Variants in ALDH1L1 observed in about 807,000 individuals in gnomAD.
ALDH1L1 encodes aldehyde dehydrogenase 1 family member L1.
Under a neutral mutation model 101.1 loss-of-function variants are expected in ALDH1L1, and 68 were observed. The observed-to-expected ratio is 0.67, with a 90% CI of 0.55 to 0.82. The LOEUF (loss-of-function observed/expected upper bound fraction) is 0.82, where lower values mean the gene tolerates loss of function less well. ALDH1L1 is among the 40% of genes least tolerant of loss of function. The pLI is 0.00. For missense variants in ALDH1L1, 1,087 were observed against 1,172.7 expected, an observed-to-expected ratio of 0.93 and a Z score of 1.07; for synonymous variants, 486 against 470.8, an observed-to-expected ratio of 1.03 and a Z score of -0.42.
At chr3:126,134,674 T>C (rs764872929) in intron 12 of ALDH1L1, among the ~76,000 whole-genome samples, 1 of 152,226 alleles carries the variant, frequency 6.6e-6, no homozygotes, top group Non-Finnish European at 1.5e-5. Context: ...TTCTGGCCTC[T>C]GGAGTATAAC....
chr3:126,132,734 C>T (rs553409482), intron 12 of ALDH1L1, among the ~76,000 whole-genome samples: 38 of 152,342 alleles, frequency 2.5e-4, no homozygotes, highest in African/African-American at 9.1e-4. Context: ...CCTCCTCTGC[C>T]TTTCTTCACT....
intron 21 of ALDH1L1, 30 bp from the exon 22 acceptor site, chr3:126,105,955 G>T (rs537898479): frequency 6.2e-7 from 1 of 1,605,646 alleles, no homozygotes; most frequent in Non-Finnish European, 8.5e-7. Context: ...AGAACTCCCT[G>T]AGGGAGGTGC....
At position 126,157,421 on chromosome 3, in the gene ALDH1L1, C is replaced by T. The variant is rs746786596; in HGVS notation, c.450G>A (p.Lys150=). Residue 150 remains lysine, a synonymous_variant, in exon 4 of 23, where the codon AAG becomes AAA. Coordinates refer to ENST00000393434, the MANE Select transcript of ALDH1L1 (RefSeq NM_012190.4). ...GLDTGDLLLQ[K]ECEVLPDDTV... ...TGTCGTCCGGGAGCACCTCACACTC[C>T]TTCTGCAGCAGCAGGTCTCCGGTGT... The T allele has an allele frequency of 1.9e-6, 3 of 1,614,164 alleles. No individual in the cohort carries two copies. The East Asian group carries it at 6.7e-5, about 36-fold the overall frequency.
Position 126,154,517 on chromosome 3 carries a change from A to G in ALDH1L1, c.720+37T>C, listed in dbSNP as rs780700689. The G allele has an allele frequency of 5.0e-6, 8 of 1,591,054 alleles. 1 individual carries two copies. The South Asian group carries it at 7.7e-5, about 15-fold the overall frequency. Reference sequence around the variant, plus strand: ...GTTTAATGGCCAGTGGGATACACCAATGCACGTGGCTGGATTCCAGCCATG... The same window carrying G: ...GTTTAATGGCCAGTGGGATACACCAGTGCACGTGGCTGGATTCCAGCCATG... On this transcript the variant is annotated intron_variant, in intron 6 of 22. Coordinates refer to ENST00000393434, the MANE Select transcript of ALDH1L1 (RefSeq NM_012190.4).
At chr3:126,142,298 ACT>A (rs995327415) in intron 9 of ALDH1L1, among the ~76,000 whole-genome samples, 2 of 152,110 alleles carry the variant, frequency 1.3e-5, no homozygotes, top group Admixed American at 1.3e-4. Flanking sequence ...TTTTTCTCAA[ACT>A]CTTCCAAAAA....
At chr3:126,191,549 C>T (rs2108354436) in intron 1 of ALDH1L1, among the ~76,000 whole-genome samples, 1 of 152,314 alleles carries the variant, frequency 6.6e-6, no homozygotes, top group South Asian at 2.1e-4. Context: ...TCCCATGGTG[C>T]AGGTTCTGGT....
intron 1 of ALDH1L1, among the ~76,000 whole-genome samples, chr3:126,166,276 T>C (rs1165635836): frequency 6.6e-6 from 1 of 152,210 alleles, no homozygotes; most frequent in Non-Finnish European, 1.5e-5. Flanking sequence ...CTTCTCCATG[T>C]CTGATTTGTG....
chr3:126,156,956 T>C (rs2080921950), intron 4 of ALDH1L1, among the ~76,000 whole-genome samples: 2 of 152,044 alleles, frequency 1.3e-5, no homozygotes. Context: ...ATGAAACAAA[T>C]CACACAGAGA....
rs551665265 is a variant in ALDH1L1, at chr3:126,127,513, C to A, written c.1695-1792G>T. On this transcript the variant is annotated intron_variant, in intron 14 of 22. Coordinates refer to ENST00000393434, the MANE Select transcript of ALDH1L1 (RefSeq NM_012190.4). ...GGTGAGGGTGGAGTTCCTTCTCTCT[C>A]TCGGGAGCATGGAGCCTGGGCAGGG... 4.6e-5 allele frequency among the ~76,000 whole-genome samples: 7 copies of A among 152,262 alleles called. No individual in the cohort carries two copies. The South Asian group carries it at 1.5e-3, about 32-fold the overall frequency.
At chr3:126,161,104 C>G in intron 1 of ALDH1L1, 102 bp from the exon 2 acceptor site, 1 of 1,367,664 alleles carries the variant, frequency 7.3e-7, no homozygotes, top group Non-Finnish European at 9.8e-7. Flanking sequence ...CCTGCTCTAC[C>G]CCAGTCCCCT....
At chr3:126,112,351 G>A (rs1946106019) in intron 19 of ALDH1L1, among the ~76,000 whole-genome samples, 1 of 152,190 alleles carries the variant, frequency 6.6e-6, no homozygotes, top group South Asian at 2.1e-4. Flanking sequence ...TGCCTGTGTA[G>A]GGGGATTCGT....
chr3:126,180,808 C>T (rs2081463505), upstream of ALDH1L1: 6 of 1,526,752 alleles, frequency 3.9e-6, no homozygotes, highest in Non-Finnish European at 5.3e-6. Context: ...ACTGTGGACC[C>T]TTGGAGAATT....
Position 126,153,600 on chromosome 3 carries a change from T to A in ALDH1L1, c.721-19A>T. 1 of 1,605,962 alleles carries A rather than the reference T, an allele frequency of 6.2e-7. No individual in the cohort carries two copies. Among genetic ancestry groups the A allele is most frequent in the Middle Eastern group, 1.7e-4 (1 of 6,014 alleles). On this transcript the variant is annotated intron_variant, in intron 6 of 22. Transcript: ENST00000393434. ...TCAGTTTCTGTCAAGGGGAGAAATA[T>A]CAGAAGATGGTGGGTGAGAAGAAGC...
chr3:126,119,942 C>T (rs1282350314), intron 16 of ALDH1L1, among the ~76,000 whole-genome samples: 1 of 152,240 alleles, frequency 6.6e-6, no homozygotes, highest in Non-Finnish European at 1.5e-5. Flanking sequence ...CACTGCACAG[C>T]TACTAAACAA....
chr3:126,174,611 TA>T (rs1018118640), intron 1 of ALDH1L1, among the ~76,000 whole-genome samples: 1 of 151,874 alleles, frequency 6.6e-6, no homozygotes. Flanking sequence ...TGAAAAACAT[TA>T]AAAAAATGGA....
intron 1 of ALDH1L1, among the ~76,000 whole-genome samples, chr3:126,188,881 C>T (rs946846691): frequency 6.6e-6 from 1 of 152,124 alleles, no homozygotes; most frequent in African/African-American, 2.4e-5. Flanking sequence ...CAACTACAGT[C>T]GAATAGATCA....
chr3:126,157,962 G>A (rs954994695), intron 3 of ALDH1L1, among the ~76,000 whole-genome samples: 5 of 152,100 alleles, frequency 3.3e-5, no homozygotes, highest in South Asian at 2.1e-4. Context: ...CCTTGTGGAG[G>A]CCATCCTTTG....
chr3:126,180,699 G>T (rs1181813718), upstream of ALDH1L1: 1 of 1,386,294 alleles, frequency 7.2e-7, no homozygotes, highest in African/African-American at 1.5e-5. Flanking sequence ...GGACTATGGC[G>T]GGAGCGCAGC....
chr3:126,152,978 G>T (rs2080835097), intron 7 of ALDH1L1: 1 of 273,400 alleles, frequency 3.7e-6, no homozygotes, highest in African/African-American at 2.2e-5. Flanking sequence ...CTAATAACAA[G>T]AGCAGGTGGC....
Sources: gnomAD v4.1 joint callset for allele counts (sites outside exome capture counted in the v4.1 genomes callset) on GRCh38, gnomAD v4.1.1 for gene constraint, MANE v1.5 for transcripts, NCBI Gene and HGNC (gene_info 2026-07-23, HGNC 2026-07-21) for gene names.